MTUS2: variants seen among roughly 807,000 people sequenced by gnomAD.
MTUS2 encodes microtubule associated scaffold protein 2.
Under a neutral mutation model 114.1 loss-of-function variants are expected in MTUS2, and 40 were observed. The observed-to-expected ratio is 0.35, with a 90% CI of 0.27 to 0.46. MTUS2 has a LOEUF of 0.46. Among genes scored for constraint, MTUS2 ranks in the 20% least tolerant of loss-of-function variants. The pLI, the probability that MTUS2 is intolerant of heterozygous loss-of-function variation, is 1.00. For missense variants in MTUS2, 1,679 were observed against 1,705.4 expected, an observed-to-expected ratio of 0.98 and a Z score of 0.27; for synonymous variants, 688 against 672.0, an observed-to-expected ratio of 1.02 and a Z score of -0.37.
chr13:29,211,194 T>C (rs1363210368), intron 5 of MTUS2, among the ~76,000 whole-genome samples: 1 of 152,054 alleles, frequency 6.6e-6, no homozygotes, highest in East Asian at 1.9e-4. Flanking sequence ...AATGGAGTTA[T>C]GATTCCAGGG....
chr13:29,114,697 T>C (rs1891016371), intron 5 of MTUS2, among the ~76,000 whole-genome samples: 2 of 152,178 alleles, frequency 1.3e-5, no homozygotes, highest in South Asian at 4.1e-4. Context: ...TGCACTATTA[T>C]CCTCTTCCTG....
intron 2 of MTUS2, among the ~76,000 whole-genome samples, chr13:28,965,079 T>C (rs901123340): frequency 1.3e-5 from 2 of 152,176 alleles, no homozygotes; most frequent in Non-Finnish European, 2.9e-5. Flanking sequence ...AGAGAGTCTC[T>C]TGTTTTAACC....
intron 2 of MTUS2, among the ~76,000 whole-genome samples, chr13:28,956,611 C>T (rs547324827): frequency 6.6e-6 from 1 of 152,274 alleles, no homozygotes; most frequent in Non-Finnish European, 1.5e-5. Flanking sequence ...AATAAAGACC[C>T]AAACTTCAGG....
intron 2 of MTUS2, among the ~76,000 whole-genome samples, chr13:28,908,864 G>C (rs1334067223): frequency 4.6e-5 from 7 of 151,440 alleles, no homozygotes; most frequent in Non-Finnish European, 1.0e-4. Context: ...ATTAATTTTT[G>C]TATAAGATAT....
At chr13:29,052,092 C>T (rs915083029) in intron 4 of MTUS2, among the ~76,000 whole-genome samples, 3 of 152,208 alleles carry the variant, frequency 2.0e-5, no homozygotes, top group Non-Finnish European at 4.4e-5. Flanking sequence ...AGTCTATTAA[C>T]TTCACAAGTA....
chr13:29,244,243 C>T (rs1161301942), intron 5 of MTUS2, among the ~76,000 whole-genome samples: 2 of 152,106 alleles, frequency 1.3e-5, no homozygotes, highest in East Asian at 3.9e-4. Context: ...AGTCCTAATG[C>T]AGTTCCAGTG....
intron 5 of MTUS2, among the ~76,000 whole-genome samples, chr13:29,174,177 C>T (rs1413124080): frequency 6.6e-6 from 1 of 152,124 alleles, no homozygotes; most frequent in African/African-American, 2.4e-5. Flanking sequence ...TGGTTCCATG[C>T]TACCTAGAAA....
intron 2 of MTUS2, among the ~76,000 whole-genome samples, chr13:28,938,122 C>G (rs573261846): frequency 3.9e-5 from 6 of 152,138 alleles, no homozygotes; most frequent in Non-Finnish European, 8.8e-5. Flanking sequence ...CGGTGGCTCA[C>G]GTCTGCAATC....
chr13:28,832,699 A>T (rs938868333), intron 1 of MTUS2, among the ~76,000 whole-genome samples: 6 of 148,212 alleles, frequency 4.0e-5, no homozygotes, highest in Non-Finnish European at 7.4e-5. Flanking sequence ...ATAAATATAA[A>T]TAAAAATAAG....
At position 29,307,834 on chromosome 13, in the gene MTUS2, C is replaced by G. The variant is rs1268014478; in HGVS notation, c.2807-16779C>G. Reference sequence around the variant, plus strand: ...TGAGAGCACAAGAGGAAGAGAGAGGCCTTCACTGCTGGGGGACACTTAGTC... The same window carrying G: ...TGAGAGCACAAGAGGAAGAGAGAGGGCTTCACTGCTGGGGGACACTTAGTC... On this transcript the variant is annotated intron_variant, in intron 6 of 15. Coordinates refer to ENST00000612955, the MANE Select transcript of MTUS2 (RefSeq NM_001033602.4). 3 of 731,162 alleles carry G rather than the reference C, an allele frequency of 4.1e-6. No individual in the cohort carries two copies. The African/African-American group carries it at 5.2e-5, about 13-fold the overall frequency. 45.3% of individuals were successfully genotyped at this position (731,162 alleles called of 1,614,324 possible).
intron 1 of MTUS2, among the ~76,000 whole-genome samples, chr13:28,824,302 G>T (rs936173016): frequency 5.3e-5 from 8 of 152,218 alleles, no homozygotes; most frequent in African/African-American, 1.9e-4. Flanking sequence ...ACCACCTGGA[G>T]TGTCTTCCTC....
intron 5 of MTUS2, among the ~76,000 whole-genome samples, chr13:29,232,777 G>C (rs1896385267): frequency 6.6e-6 from 1 of 152,182 alleles, no homozygotes; most frequent in African/African-American, 2.4e-5. Context: ...TTTGCTTCCT[G>C]CTTTAGTTCA....
chr13:29,203,579 A>C (rs995512389), intron 5 of MTUS2, among the ~76,000 whole-genome samples: 1 of 151,534 alleles, frequency 6.6e-6, no homozygotes, highest in Non-Finnish European at 1.5e-5. Flanking sequence ...AAAAAAAAAA[A>C]ACTCCTGCAG....
At chr13:28,962,394 A>C (rs1262860485) in intron 2 of MTUS2, among the ~76,000 whole-genome samples, 1 of 152,172 alleles carries the variant, frequency 6.6e-6, no homozygotes, top group Non-Finnish European at 1.5e-5. Flanking sequence ...TTTTAATAAT[A>C]AAATTACCTA....
chr13:28,899,375 T>G (rs1189561738), intron 2 of MTUS2, among the ~76,000 whole-genome samples: 1 of 152,212 alleles, frequency 6.6e-6, no homozygotes, highest in East Asian at 1.9e-4. Context: ...GCTGTTCAAA[T>G]AAGGCAAATG....
At chr13:29,173,814 C>T (rs2139129006) in intron 5 of MTUS2, among the ~76,000 whole-genome samples, 1 of 152,092 alleles carries the variant, frequency 6.6e-6, no homozygotes, top group Admixed American at 6.6e-5. Context: ...TATCTATTTC[C>T]TGAAATAAAA....
At chr13:28,919,837 A>G (rs544942155) in intron 2 of MTUS2, among the ~76,000 whole-genome samples, 3 of 152,306 alleles carry the variant, frequency 2.0e-5, no homozygotes, top group East Asian at 3.9e-4. Context: ...TTCTACATCA[A>G]TTCTGCCCTA....
chr13:29,074,117 C>T (rs1287661106), intron 4 of MTUS2, among the ~76,000 whole-genome samples: 1 of 152,104 alleles, frequency 6.6e-6, no homozygotes, highest in Non-Finnish European at 1.5e-5. Flanking sequence ...ACCCAGTTCT[C>T]CCTCCTTTAA....
At chr13:29,438,729 T>C (rs556813645) in intron 8 of MTUS2, among the ~76,000 whole-genome samples, 1 of 152,342 alleles carries the variant, frequency 6.6e-6, no homozygotes, top group East Asian at 1.9e-4. Context: ...GATCTATTGC[T>C]GCATTTTCTT....
Sources: gnomAD v4.1 joint callset for allele counts (sites outside exome capture counted in the v4.1 genomes callset) on GRCh38, gnomAD v4.1.1 for gene constraint, MANE v1.5 for transcripts, NCBI Gene and HGNC (gene_info 2026-07-23, HGNC 2026-07-21) for gene names.